Variants in COL4A2 observed in about 807,000 individuals in gnomAD.
COL4A2 encodes the protein collagen alpha-2(IV) chain.
Under a neutral mutation model 200.2 loss-of-function variants are expected in COL4A2, and 99 were observed. The ratio of observed to expected loss-of-function variants is 0.49; its 90% confidence interval spans 0.42 to 0.58. The LOEUF (loss-of-function observed/expected upper bound fraction) is 0.58, where lower values mean the gene tolerates loss of function less well. Among genes scored for constraint, COL4A2 ranks in the 20% least tolerant of loss-of-function variants. The pLI is 0.00. For missense variants in COL4A2, 1,950 were observed against 2,314.1 expected, an observed-to-expected ratio of 0.84 and a Z score of 3.23; for synonymous variants, 897 against 900.6, an observed-to-expected ratio of 1.00 and a Z score of 0.07.
chr13:110,432,909 G>A (rs990470664), intron 11 of COL4A2, among the ~76,000 whole-genome samples: 5 of 152,216 alleles, frequency 3.3e-5, no homozygotes, highest in African/African-American at 9.6e-5. Context: ...TAGGTGGTTT[G>A]TTAGAAACTC....
At chr13:110,321,606 C>T (rs772845693) in intron 3 of COL4A2, among the ~76,000 whole-genome samples, 2 of 152,174 alleles carry the variant, frequency 1.3e-5, no homozygotes, top group South Asian at 2.1e-4. Flanking sequence ...TGGCTTACTT[C>T]GTTTAGTATA....
At chr13:110,372,157 A>G (rs1878040561) in intron 4 of COL4A2, among the ~76,000 whole-genome samples, 1 of 152,046 alleles carries the variant, frequency 6.6e-6, no homozygotes, top group Admixed American at 6.5e-5. Flanking sequence ...ACAACATCCC[A>G]TTGTCTTCAG....
chr13:110,344,530 T>C (rs888831616), intron 3 of COL4A2, among the ~76,000 whole-genome samples: 3 of 152,210 alleles, frequency 2.0e-5, no homozygotes, highest in Admixed American at 6.5e-5. Flanking sequence ...TGTTAGTTCA[T>C]GCGTGACATT....
At chr13:110,488,444 G>A (rs1480608412) in intron 34 of COL4A2, among the ~76,000 whole-genome samples, 2 of 152,192 alleles carry the variant, frequency 1.3e-5, no homozygotes, top group Non-Finnish European at 2.9e-5. Context: ...TGGGGAGGAA[G>A]CCACTCTGGA....
In COL4A2 at chr13:110,308,075, G is replaced by A. The variant is rs755584763; in HGVS notation, c.51G>A (p.Leu17=). Reference sequence around the variant, plus strand: ...TCCTCCCTTTCCCATGCAGGTGGCTGCTGCTGGGGACAGTGACCGTGGGGT... The same window carrying A: ...TCCTCCCTTTCCCATGCAGGTGGCTACTGCTGGGGACAGTGACCGTGGGGT... ...AVAGPALRRW[L]LLGTVTVGFL... Residue 17 remains leucine, a synonymous_variant, in exon 3 of 48, where the codon CTG becomes CTA. Coordinates refer to ENST00000360467, the MANE Select transcript of COL4A2 (RefSeq NM_001846.4). 1.2e-6 allele frequency: 2 copies of A among 1,613,826 alleles called. No individual in the cohort carries two copies. Among genetic ancestry groups the A allele is most frequent in the Non-Finnish European group, 1.7e-6 (2 of 1,179,998 alleles).
At chr13:110,486,772 G>A (rs7324721) in intron 34 of COL4A2, among the ~76,000 whole-genome samples, 72,416 of 151,776 alleles carry the variant, frequency 0.48, 18,019 homozygotes, top group East Asian at 0.61. Context: ...TTGTTCTCTG[G>A]CGGGCAGGAG....
chr13:110,405,663 C>T (rs879508524), intron 4 of COL4A2, among the ~76,000 whole-genome samples: 4 of 152,186 alleles, frequency 2.6e-5, no homozygotes, highest in East Asian at 1.9e-4. Flanking sequence ...TTTGTGAAGA[C>T]GTGGTAGCTG....
Position 110,386,027 on chromosome 13 carries a change from T to C in COL4A2, c.180+28475T>C, listed in dbSNP as rs80281875. On this transcript the variant is annotated intron_variant, in intron 4 of 47. Transcript: ENST00000360467. ...TCACAGCGTGTGGATGGGCCGTGGTTACAGTGTGTGGATAGACCGTGGTTA... is the reference window on the plus strand; with the variant it reads ...TCACAGCGTGTGGATGGGCCGTGGTCACAGTGTGTGGATAGACCGTGGTTA... 1.5e-3 allele frequency among the ~76,000 whole-genome samples: 126 copies of C among 81,568 alleles called. 3 individuals are homozygous for C. The highest frequency in any genetic ancestry group is 2.3e-3 in the Non-Finnish European group (83 of 35,334). The allele number at this position is 81,568 out of a possible 152,430, so 53.5% of individuals were successfully genotyped here.
At chr13:110,327,137 A>G (rs1885438180) in intron 3 of COL4A2, among the ~76,000 whole-genome samples, 1 of 151,466 alleles carries the variant, frequency 6.6e-6, no homozygotes, top group Admixed American at 6.6e-5. Flanking sequence ...TCCTGCTCCA[A>G]CTCTAAGGTG....
At chr13:110,461,900 T>G in intron 22 of COL4A2, 1 of 629,880 alleles carries the variant, frequency 1.6e-6, no homozygotes, top group Non-Finnish European at 2.7e-6. Context: ...CATCCGCAGT[T>G]CCAGTGCTCC....
At chr13:110,387,626 C>A (rs1300193811) in intron 4 of COL4A2, among the ~76,000 whole-genome samples, 2 of 152,226 alleles carry the variant, frequency 1.3e-5, no homozygotes, top group Non-Finnish European at 2.9e-5. Flanking sequence ...GGGAGCCCTG[C>A]GCTTGTTTCT....
chr13:110,329,171 G>C (rs751243140), intron 3 of COL4A2, among the ~76,000 whole-genome samples: 1 of 152,236 alleles, frequency 6.6e-6, no homozygotes, highest in African/African-American at 2.4e-5. Context: ...CAAGTTGCTT[G>C]TTACTTCAAT....
chr13:110,486,198 G>C (rs956129484), intron 34 of COL4A2, among the ~76,000 whole-genome samples: 1 of 152,200 alleles, frequency 6.6e-6, no homozygotes, highest in Admixed American at 6.5e-5. Flanking sequence ...GAATCACAGC[G>C]TAGACCTGGG....
chr13:110,503,239 G>C lies in COL4A2; in HGVS notation c.3996G>C (p.Gly1332=), dbSNP rs765796636. ...CCAAAGGATGGGCCGGGGACTCCGG[G>C]CCCCAGGGCAGGCCTGGTGTGTTTG... ...PGTKGWAGDS[G]PQGRPGVFGL... Residue 1332 remains glycine, a synonymous_variant, in exon 42 of 48, where the codon GGG becomes GGC. Coordinates refer to ENST00000360467, the MANE Select transcript of COL4A2 (RefSeq NM_001846.4). 1 of 1,613,416 alleles carries C rather than the reference G, an allele frequency of 6.2e-7. No homozygotes were observed. The highest frequency in any genetic ancestry group is 1.1e-5 in the South Asian group (1 of 91,066).
At chr13:110,323,146 G>A (rs1292011511) in intron 3 of COL4A2, among the ~76,000 whole-genome samples, 1 of 152,218 alleles carries the variant, frequency 6.6e-6, no homozygotes, top group Non-Finnish European at 1.5e-5. Flanking sequence ...ATTGAGGGGA[G>A]GTGTCAGTCC....
chr13:110,462,351 G>A lies in COL4A2; in HGVS notation c.1743G>A (p.Gly581=), dbSNP rs772187018. ...ACGATGGCAGCCCAGGCCGCGATGG[G>A]CTCGATGGATTCCCCGGCCTCCCAG... is the stretch of plus-strand genomic sequence containing the variant. The part of the protein sequence containing the change: ...KGDDGSPGRD[G]LDGFPGLPGP... The change falls in exon 24 of 48, where the codon GGG becomes GGA. Residue 581 remains glycine (G), a synonymous_variant. Coordinates refer to ENST00000360467, the MANE Select transcript of COL4A2 (RefSeq NM_001846.4). 6.2e-7 allele frequency: 1 copy of A among 1,613,896 alleles called. No homozygotes were observed. The highest frequency in any genetic ancestry group is 1.1e-5 in the South Asian group (1 of 91,074).
chr13:110,343,449 T>G (rs527820813), intron 3 of COL4A2, among the ~76,000 whole-genome samples: 1 of 152,060 alleles, frequency 6.6e-6, no homozygotes, highest in Non-Finnish European at 1.5e-5. Context: ...AAGGCATAGG[T>G]ACACGCCGTC....
chr13:110,341,227 TC>T (rs1445988369), intron 3 of COL4A2, among the ~76,000 whole-genome samples: 4 of 152,192 alleles, frequency 2.6e-5, no homozygotes, highest in African/African-American at 9.7e-5. Context: ...GACGGGCTTC[TC>T]CCCAGTAGAG....
At chr13:110,428,258 C>A (rs1483554726) in intron 6 of COL4A2, among the ~76,000 whole-genome samples, 1 of 152,220 alleles carries the variant, frequency 6.6e-6, no homozygotes, top group Admixed American at 6.5e-5. Flanking sequence ...CAGAACTTTG[C>A]TTCGAAATCT....
Sources: gnomAD v4.1 joint callset for allele counts (sites outside exome capture counted in the v4.1 genomes callset) on GRCh38, gnomAD v4.1.1 for gene constraint, MANE v1.5 for transcripts, NCBI Gene and HGNC (gene_info 2026-07-23, HGNC 2026-07-21) for gene names.